RNF2: variants seen among roughly 807,000 people sequenced by gnomAD.
RNF2 encodes E3 ubiquitin-protein ligase RING2.
In RNF2, 6 loss-of-function variants were observed where a neutral mutation model predicts 37.2. That is an observed-to-expected ratio of 0.16 (90% CI 0.09 to 0.32). RNF2 has a LOEUF of 0.32. Among genes scored for constraint, RNF2 ranks in the 10% least tolerant of loss-of-function variants. The pLI is 1.00. For missense variants in RNF2, 251 were observed against 404.0 expected, an observed-to-expected ratio of 0.62 and a Z score of 3.25; for synonymous variants, 133 against 132.7, an observed-to-expected ratio of 1.00 and a Z score of -0.02.
At chr1:185,053,061 C>T (rs1022738764) in intron 1 of RNF2, among the ~76,000 whole-genome samples, 1 of 152,172 alleles carries the variant, frequency 6.6e-6, no homozygotes, top group Non-Finnish European at 1.5e-5. Flanking sequence ...GTCTCCAAGA[C>T]ACAGGAAATG....
chr1:185,068,789 A>G (rs1171273628), intron 1 of RNF2, among the ~76,000 whole-genome samples: 1 of 152,236 alleles, frequency 6.6e-6, no homozygotes, highest in Non-Finnish European at 1.5e-5. Flanking sequence ...GTAAATGGAC[A>G]TTTCTAAGTA....
At position 185,054,801 on chromosome 1, in the gene RNF2, G is replaced by A. The variant is rs1197690275; in HGVS notation, c.-3+9152G>A. ...CATCCTCCGCCTGCCGGGGTCAAGC[G>A]ATCTTGCCACCTCAGTTTCCTGAGT... On this transcript the variant is annotated intron_variant, in intron 1 of 6. Coordinates refer to ENST00000367510, the MANE Select transcript of RNF2 (RefSeq NM_007212.4). 6.6e-4 allele frequency among the ~76,000 whole-genome samples: 101 copies of A among 152,206 alleles called. 2 individuals carry two copies. The highest frequency in any genetic ancestry group is 4.4e-5 in the Non-Finnish European group (3 of 68,006).
intron 4 of RNF2, among the ~76,000 whole-genome samples, chr1:185,093,518 T>G (rs1293450818): frequency 6.6e-6 from 1 of 152,334 alleles, no homozygotes; most frequent in East Asian, 1.9e-4. Context: ...GCAAAATTCC[T>G]TGAAAGAGTT....
At chr1:185,097,540 A>C (rs1651946304) in intron 4 of RNF2, among the ~76,000 whole-genome samples, 1 of 152,258 alleles carries the variant, frequency 6.6e-6, no homozygotes, top group African/African-American at 2.4e-5. Context: ...TTTAATAAAG[A>C]AAATTATTTT....
intron 1 of RNF2, among the ~76,000 whole-genome samples, chr1:185,052,433 T>C (rs1233910260): frequency 6.6e-6 from 1 of 152,220 alleles, no homozygotes; most frequent in Admixed American, 6.5e-5. Context: ...TGGATGAACC[T>C]TGAAAATATG....
intron 1 of RNF2, among the ~76,000 whole-genome samples, chr1:185,074,488 A>G (rs1454662242): frequency 1.3e-5 from 2 of 152,042 alleles, no homozygotes; most frequent in Admixed American, 6.6e-5. Flanking sequence ...AAACTTAGGT[A>G]TGGTTGAAAG....
intron 2 of RNF2, 136 bp from the exon 3 acceptor site, chr1:185,091,443 G>C: frequency 1.3e-6 from 1 of 741,872 alleles, no homozygotes; most frequent in Non-Finnish European, 2.2e-6. Context: ...AAAATTAGCT[G>C]TGAGTTGACA....
chr1:185,087,790 T>C, intron 2 of RNF2, 150 bp downstream of exon 2: 1 of 648,128 alleles, frequency 1.5e-6, no homozygotes, highest in Non-Finnish European at 2.7e-6. Context: ...ACTTTATTCA[T>C]TGATTGAACA....
chr1:185,093,294 T>C lies in RNF2; in HGVS notation c.464+18T>C. Reference sequence around the variant, plus strand: ...ATGAACAGGTATATGGGAAAGAGGGTCAGAGAGGGTAGCTGTTTTTCTGAA... The same window carrying C: ...ATGAACAGGTATATGGGAAAGAGGGCCAGAGAGGGTAGCTGTTTTTCTGAA... On this transcript the variant is annotated intron_variant, in intron 4 of 6. Coordinates refer to ENST00000367510, the MANE Select transcript of RNF2 (RefSeq NM_007212.4). The C allele has an allele frequency of 6.2e-7, 1 of 1,604,568 alleles. No individual in the cohort carries two copies. The highest frequency in any genetic ancestry group is 8.5e-7 in the Non-Finnish European group (1 of 1,172,252).
chr1:185,097,459 C>T (rs1479620539), intron 4 of RNF2, among the ~76,000 whole-genome samples: 2 of 152,218 alleles, frequency 1.3e-5, no homozygotes. Context: ...TGCCTTTCTT[C>T]AGACCTGTAA....
chr1:185,076,715 A>G (rs902191018), intron 1 of RNF2, among the ~76,000 whole-genome samples: 1 of 151,956 alleles, frequency 6.6e-6, no homozygotes, highest in Non-Finnish European at 1.5e-5. Context: ...AAAATACCCT[A>G]AATTCACATA....
intron 2 of RNF2, among the ~76,000 whole-genome samples, chr1:185,089,291 A>G (rs899205040): frequency 2.6e-5 from 4 of 152,224 alleles, no homozygotes; most frequent in African/African-American, 9.6e-5. Context: ...TAACAAGCCA[A>G]TACCTGTCCA....
At chr1:185,051,308 A>G (rs767357999) in intron 1 of RNF2, among the ~76,000 whole-genome samples, 2 of 152,176 alleles carry the variant, frequency 1.3e-5, no homozygotes, top group Admixed American at 6.5e-5. Context: ...AGTATTGTGT[A>G]TAGTAGGAGT....
intron 1 of RNF2, 64 bp from the exon 2 acceptor site, chr1:185,087,488 C>G (rs573959009): frequency 3.0e-6 from 4 of 1,349,126 alleles, no homozygotes; most frequent in South Asian, 1.2e-5. Flanking sequence ...GGGACACATA[C>G]ATTCAGACCA....
chr1:185,060,726 C>G (rs932203692), intron 1 of RNF2, among the ~76,000 whole-genome samples: 2 of 152,112 alleles, frequency 1.3e-5, no homozygotes, highest in African/African-American at 4.8e-5. Flanking sequence ...TTGAAACATC[C>G]TTGGAGAAGA....
Position 185,100,114 on chromosome 1 carries a change from A to G in RNF2, c.910-86A>G. Reference sequence around the variant, plus strand: ...TATTCCTAAGATTTGAAAAAAAAAGATTCTGTGGACTTCCATTTTAGTTTC... The same window carrying G: ...TATTCCTAAGATTTGAAAAAAAAAGGTTCTGTGGACTTCCATTTTAGTTTC... On this transcript the variant is annotated intron_variant, in intron 6 of 6. Transcript: ENST00000367510. The G allele has an allele frequency of 2.4e-6, 3 of 1,238,556 alleles. No homozygotes were observed. In the South Asian group the frequency reaches 4.3e-5, roughly 18 times the overall value. 76.7% of individuals were successfully genotyped at this position (1,238,556 alleles called of 1,614,324 possible).
chr1:185,076,658 AT>A (rs1651174755), intron 1 of RNF2, among the ~76,000 whole-genome samples: 1 of 150,378 alleles, frequency 6.6e-6, no homozygotes, highest in Admixed American at 6.6e-5. Flanking sequence ...TAGGTATCTG[AT>A]TTATTTGAAA....
chr1:185,081,828 C>T (rs908394769), intron 1 of RNF2, among the ~76,000 whole-genome samples: 2 of 152,124 alleles, frequency 1.3e-5, no homozygotes, highest in African/African-American at 4.8e-5. Flanking sequence ...CGGTGCATCT[C>T]GATTTGCTGA....
At chr1:185,083,253 G>A (rs1340779882) in intron 1 of RNF2, among the ~76,000 whole-genome samples, 2 of 152,058 alleles carry the variant, frequency 1.3e-5, no homozygotes, top group Admixed American at 6.6e-5. Flanking sequence ...AGATTTATTC[G>A]AAGGATTGTA....
Sources: gnomAD v4.1 joint callset for allele counts (sites outside exome capture counted in the v4.1 genomes callset) on GRCh38, gnomAD v4.1.1 for gene constraint, MANE v1.5 for transcripts, NCBI Gene and HGNC (gene_info 2026-07-23, HGNC 2026-07-21) for gene names.